Variants in FARP1 observed in about 807,000 individuals in gnomAD.
The protein encoded by FARP1 is FERM, ARHGEF and pleckstrin domain-containing protein 1.
A neutral mutation model predicts 128.8 loss-of-function variants in FARP1; 52 were observed. The observed-to-expected ratio is 0.40, with a 90% CI of 0.32 to 0.51. FARP1 has a LOEUF of 0.51. FARP1 is among the 20% of genes least tolerant of loss of function. The pLI is 0.45. For missense variants in FARP1, 1,333 were observed against 1,367.9 expected (o/e 0.97, Z 0.40); for synonymous variants, 580 against 551.8 (o/e 1.05, Z -0.72).
intron 18 of FARP1, 129 bp from the exon 19 acceptor site, chr13:98,435,447 C>A: frequency 1.1e-6 from 1 of 870,860 alleles, no homozygotes; most frequent in Non-Finnish European, 1.7e-6. Context: ...ACTGTTTTTG[C>A]TCAAAAGACA....
chr13:98,409,782 G>A (rs565836223), intron 14 of FARP1, among the ~76,000 whole-genome samples: 1 of 152,266 alleles, frequency 6.6e-6, no homozygotes, highest in South Asian at 2.1e-4. Context: ...CCAGCCACTG[G>A]CACCTCATTC....
At chr13:98,401,879 G>A (rs956773595) in intron 13 of FARP1, 4 of 149,904 alleles carry the variant, frequency 2.7e-5, no homozygotes, top group African/African-American at 9.8e-5. Context: ...TTGGCCACTC[G>A]ACACAGACAT....
Position 98,176,837 on chromosome 13 carries a change from C to G in FARP1, c.-24+33345C>G. 1.2e-6 allele frequency: 2 copies of G among 1,612,200 alleles called. No individual in the cohort carries two copies. The highest frequency in any genetic ancestry group is 1.7e-6 in the Non-Finnish European group (2 of 1,180,006). On this transcript the variant is annotated intron_variant, in intron 1 of 26. Coordinates refer to ENST00000319562, the MANE Select transcript of FARP1 (RefSeq NM_005766.4). This position sits in a 1 kb window ranked among gnomAD's most constrained non-coding sequence, Gnocchi z 6.2. Reference sequence around the variant, plus strand: ...TCCCGACCCCGCAGTGCCTCCTGGACCCGCTGGCTGCACTTGAGGATGGTC... The same window carrying G: ...TCCCGACCCCGCAGTGCCTCCTGGAGCCGCTGGCTGCACTTGAGGATGGTC...
At chr13:98,142,686 A>G (rs961865654), upstream of FARP1, 1 of 152,308 alleles carries the variant, frequency 6.6e-6, no homozygotes, top group Non-Finnish European at 1.5e-5. Context: ...AGCCCCAGGC[A>G]GGACCTCAAA....
At chr13:98,328,208 C>T (rs989623246) in intron 2 of FARP1, 3 of 152,144 alleles carry the variant, frequency 2.0e-5, no homozygotes, top group African/African-American at 7.2e-5. Context: ...TTGGAAAGAA[C>T]TGGCTTTTGT....
At chr13:98,151,452 T>C (rs956272648) in intron 1 of FARP1, among the ~76,000 whole-genome samples, 1 of 152,072 alleles carries the variant, frequency 6.6e-6, no homozygotes, top group African/African-American at 2.4e-5. Flanking sequence ...AAAGAGCAAG[T>C]ATTGTAAGGT....
At chr13:98,421,340 C>T (rs543511429) in intron 16 of FARP1, among the ~76,000 whole-genome samples, 2 of 152,294 alleles carry the variant, frequency 1.3e-5, no homozygotes, top group Admixed American at 6.5e-5. Context: ...CCTCGCCCAG[C>T]GTCCTCTTCC....
rs76041459 is a variant in FARP1, at chr13:98,318,449, C to T, written c.172-25313C>T. On this transcript the variant is annotated intron_variant, in intron 2 of 26. Coordinates refer to ENST00000319562, the MANE Select transcript of FARP1 (RefSeq NM_005766.4). The stretch of plus-strand genomic sequence containing the variant: ...AATTGCTGTATTTCCTTACTTTAAC[C>T]GTGGCCACACACAGGGTTAGGACTT... 4.5e-3 allele frequency among the ~76,000 whole-genome samples: 685 copies of T among 152,294 alleles called. 6 individuals carry two copies. The highest frequency in any genetic ancestry group is 0.015 in the African/African-American group (631 of 41,556).
At position 98,176,882 on chromosome 13, in the gene FARP1, C is replaced by T. The variant is rs199939990; in HGVS notation, c.-24+33390C>T. ...ATGGTCGGCGTATGGTGCTCCTTCT[C>T]GGTGTCCTGCTCGAAGTCAGCGGTG... is the stretch of plus-strand genomic sequence containing the variant. On this transcript the variant is annotated intron_variant, in intron 1 of 26. Coordinates refer to ENST00000319562, the MANE Select transcript of FARP1 (RefSeq NM_005766.4). This position sits in a 1 kb window ranked among gnomAD's most constrained non-coding sequence, Gnocchi z 6.2. 2.7e-5 allele frequency: 44 copies of T among 1,607,126 alleles called. No individual in the cohort carries two copies. Among genetic ancestry groups the T allele is most frequent in the Non-Finnish European group, 3.6e-5 (42 of 1,179,966 alleles).
At chr13:98,171,490 T>C (rs1877650337) in intron 1 of FARP1, among the ~76,000 whole-genome samples, 1 of 152,198 alleles carries the variant, frequency 6.6e-6, no homozygotes, top group African/African-American at 2.4e-5. Flanking sequence ...CAAAAGTCAG[T>C]AGAATGTTTT....
intron 3 of FARP1, among the ~76,000 whole-genome samples, chr13:98,348,469 T>C (rs1888271707): frequency 6.6e-6 from 1 of 152,232 alleles, no homozygotes; most frequent in Non-Finnish European, 1.5e-5. Context: ...TTCCGGGAGC[T>C]GGCCAGGGGA....
chr13:98,331,268 T>C (rs754855879), intron 2 of FARP1, among the ~76,000 whole-genome samples: 28 of 152,230 alleles, frequency 1.8e-4, no homozygotes, highest in Non-Finnish European at 8.8e-5. Context: ...TAAGTTTCTT[T>C]TTCCTAAATC....
At chr13:98,260,895 C>A (rs180933305) in intron 2 of FARP1, among the ~76,000 whole-genome samples, 1 of 152,320 alleles carries the variant, frequency 6.6e-6, no homozygotes, top group Admixed American at 6.5e-5. Context: ...TCCCAGGGGG[C>A]TGGAGAGAGT....
chr13:98,152,570 G>A (rs1323709743), intron 1 of FARP1, among the ~76,000 whole-genome samples: 1 of 152,208 alleles, frequency 6.6e-6, no homozygotes, highest in Non-Finnish European at 1.5e-5. Flanking sequence ...CGCACCTGGA[G>A]CTTAGCATGC....
chr13:98,232,209 C>T (rs1882172765), intron 2 of FARP1, among the ~76,000 whole-genome samples: 1 of 125,466 alleles, frequency 8.0e-6, no homozygotes, highest in African/African-American at 3.2e-5. Flanking sequence ...TTTTAATTCA[C>T]TTAGTCTCAC....
chr13:98,317,706 TA>T (rs1163151287), intron 2 of FARP1, among the ~76,000 whole-genome samples: 2 of 152,164 alleles, frequency 1.3e-5, no homozygotes, highest in African/African-American at 4.8e-5. Flanking sequence ...CTGGATGGCT[TA>T]AACAACAGAA....
At chr13:98,302,436 T>G (rs1304213482) in intron 2 of FARP1, among the ~76,000 whole-genome samples, 1 of 152,188 alleles carries the variant, frequency 6.6e-6, no homozygotes, top group East Asian at 1.9e-4. Flanking sequence ...GTCACTTTCT[T>G]TTTCCGAGAG....
At chr13:98,397,368 G>GT (rs1335651870) in intron 13 of FARP1, 1 of 152,222 alleles carries the variant, frequency 6.6e-6, no homozygotes, top group Non-Finnish European at 1.5e-5. Context: ...GAGAAGGACT[G>GT]TTTTCCAGCA....
At chr13:98,378,220 G>A (rs1425787583) in intron 6 of FARP1, among the ~76,000 whole-genome samples, 1 of 152,202 alleles carries the variant, frequency 6.6e-6, no homozygotes, top group African/African-American at 2.4e-5. Flanking sequence ...TTGCCAAATA[G>A]ACTAAACTTG....
Sources: gnomAD v4.1 joint callset for allele counts (sites outside exome capture counted in the v4.1 genomes callset) on GRCh38, gnomAD v4.1.1 for gene constraint, Gnocchi (gnomAD v3.1) non-coding constraint, MANE v1.5 for transcripts, NCBI Gene and HGNC (gene_info 2026-07-23, HGNC 2026-07-21) for gene names.